The following ADGRV1 variants were observed in gnomAD, a reference collection of about 807,000 sequenced individuals.
ADGRV1 encodes the protein adhesion G protein-coupled receptor V1, also known as G-protein coupled receptor 98.
ADGRV1 carries 359 observed loss-of-function variants against 596.2 expected under a neutral mutation model. The ratio of observed to expected loss-of-function variants is 0.60; its 90% confidence interval spans 0.55 to 0.66. The LOEUF is 0.66. Ranked by LOEUF, ADGRV1 falls within the 30% of genes least tolerant of loss-of-function variation. The pLI, the probability that ADGRV1 is intolerant of heterozygous loss-of-function variation, is 0.00. For missense variants in ADGRV1, 7,274 were observed against 7,575.6 expected (o/e 0.96, Z 1.48); for synonymous variants, 2,681 against 2,679.2 (o/e 1.00, Z -0.02).
chr5:91,082,334 AT>A (rs903039595), intron 86 of ADGRV1, among the ~76,000 whole-genome samples: 1 of 151,630 alleles, frequency 6.6e-6, no homozygotes, highest in Non-Finnish European at 1.5e-5. Context: ...GGCAGATCCT[AT>A]TTTTTTTCTG....
chr5:91,137,268 C>T (rs1794717996), intron 87 of ADGRV1, among the ~76,000 whole-genome samples: 1 of 152,048 alleles, frequency 6.6e-6, no homozygotes, highest in Non-Finnish European at 1.5e-5. Context: ...TTCCATTCGA[C>T]TTTCATCACA....
At chr5:90,925,220 G>A (rs368153095) in intron 83 of ADGRV1, among the ~76,000 whole-genome samples, 2,072 of 152,044 alleles carry the variant, frequency 0.014, 24 homozygotes, top group Non-Finnish European at 0.02. Flanking sequence ...GTTACCTTGG[G>A]CAGTATGGCC....
chr5:90,944,491 T>C (rs1776411869), intron 83 of ADGRV1, among the ~76,000 whole-genome samples: 1 of 152,158 alleles, frequency 6.6e-6, no homozygotes, highest in Non-Finnish European at 1.5e-5. Context: ...TAACCAAGGT[T>C]GTATATTCTG....
chr5:90,566,141 C>A (rs1755604367), intron 1 of ADGRV1, among the ~76,000 whole-genome samples: 1 of 151,530 alleles, frequency 6.6e-6, no homozygotes, highest in African/African-American at 2.4e-5. Context: ...TTGATGGTGT[C>A]CTGTGAAGCA....
chr5:90,845,569 G>C (rs1468645649), intron 78 of ADGRV1, among the ~76,000 whole-genome samples: 1 of 150,526 alleles, frequency 6.6e-6, no homozygotes, highest in South Asian at 2.1e-4. Flanking sequence ...TTTTTCTGTT[G>C]GTAATTTTTT....
chr5:90,983,229 A>G (rs1780222977), intron 84 of ADGRV1, among the ~76,000 whole-genome samples: 1 of 152,146 alleles, frequency 6.6e-6, no homozygotes, highest in African/African-American at 2.4e-5. Flanking sequence ...GCTCTTTGGG[A>G]CAGAAGCACT....
chr5:90,608,501 G>A (rs1434551125), intron 1 of ADGRV1, among the ~76,000 whole-genome samples: 1 of 152,032 alleles, frequency 6.6e-6, no homozygotes, highest in Non-Finnish European at 1.5e-5. Flanking sequence ...AACACTAGGA[G>A]TTTGAAAACA....
intron 85 of ADGRV1, among the ~76,000 whole-genome samples, chr5:91,017,748 G>A (rs1447201730): frequency 6.6e-6 from 1 of 151,870 alleles, no homozygotes; most frequent in Non-Finnish European, 1.5e-5. Flanking sequence ...CAGGTGACTT[G>A]TATCACTAGA....
At chr5:91,047,161 C>A (rs1830364) in intron 85 of ADGRV1, among the ~76,000 whole-genome samples, 115,526 of 152,082 alleles carry the variant, frequency 0.76, 44,066 homozygotes, top group South Asian at 0.82. Flanking sequence ...TCTGAATTTG[C>A]GCTCTAGTTG....
intron 86 of ADGRV1, among the ~76,000 whole-genome samples, chr5:91,091,064 C>T (rs1386948557): frequency 6.6e-6 from 1 of 152,166 alleles, no homozygotes; most frequent in African/African-American, 2.4e-5. Flanking sequence ...TTTGACTTCT[C>T]AATGGCCCTG....
intron 83 of ADGRV1, among the ~76,000 whole-genome samples, chr5:90,957,289 C>T (rs1777562587): frequency 6.6e-6 from 1 of 151,872 alleles, no homozygotes; most frequent in Admixed American, 6.6e-5. Context: ...TCTCTAGGGC[C>T]TTTAGCACAG....
Position 90,721,074 on chromosome 5 carries a change from T to C in ADGRV1, c.9748+15T>C, listed in dbSNP as rs758243383. ...CTTTGGCATGAGTATGTTTCATTTC[T>C]TATGAGAACAAAATTCTGTAACGAA... On this transcript the variant is annotated intron_variant, in intron 45 of 89. Coordinates refer to ENST00000405460, the MANE Select transcript of ADGRV1 (RefSeq NM_032119.4). The C allele has an allele frequency of 6.9e-6, 11 of 1,604,468 alleles. No homozygotes were observed. The highest frequency in any genetic ancestry group is 9.4e-6 in the Non-Finnish European group (11 of 1,175,602).
chr5:90,702,394 T>C (rs1748019461), intron 34 of ADGRV1, among the ~76,000 whole-genome samples: 1 of 151,978 alleles, frequency 6.6e-6, no homozygotes, highest in Non-Finnish European at 1.5e-5. Context: ...TAAAATGTGT[T>C]TTAAGAAGCC....
intron 26 of ADGRV1, 110 bp from the exon 27 acceptor site, chr5:90,681,205 T>C: frequency 8.8e-7 from 1 of 1,134,424 alleles, no homozygotes; most frequent in Non-Finnish European, 1.2e-6. Flanking sequence ...TAGAATGTAC[T>C]CAATGAATGG....
intron 83 of ADGRV1, among the ~76,000 whole-genome samples, chr5:90,888,922 A>G (rs1770544908): frequency 6.6e-6 from 1 of 152,120 alleles, no homozygotes; most frequent in Non-Finnish European, 1.5e-5. Context: ...TATTTTTCTC[A>G]TAGTAGAAAC....
chr5:90,790,752 A>G, intron 69 of ADGRV1, 121 bp from the exon 70 acceptor site: 1 of 657,836 alleles, frequency 1.5e-6, no homozygotes. Flanking sequence ...TTTGGCTTTG[A>G]ATATAGTGAT....
intron 1 of ADGRV1, among the ~76,000 whole-genome samples, chr5:90,598,314 C>T (rs1760969663): frequency 6.6e-6 from 1 of 152,190 alleles, no homozygotes; most frequent in Non-Finnish European, 1.5e-5. Context: ...GCCCACATGC[C>T]ACACATGGCT....
intron 85 of ADGRV1, among the ~76,000 whole-genome samples, chr5:91,005,934 G>GA (rs776829052): frequency 5.9e-5 from 9 of 151,726 alleles, no homozygotes; most frequent in African/African-American, 1.7e-4. Flanking sequence ...AATCCCTGGG[G>GA]AAAAAAAATC....
chr5:91,153,729 C>A (rs1488393097), intron 89 of ADGRV1, among the ~76,000 whole-genome samples: 1 of 152,250 alleles, frequency 6.6e-6, no homozygotes, highest in Non-Finnish European at 1.5e-5. Flanking sequence ...AGTTTTGCCT[C>A]TGGCCTGCCA....
Sources: allele counts gnomAD v4.1 joint callset (sites outside exome capture counted in the v4.1 genomes callset), GRCh38; gene constraint gnomAD v4.1.1; transcripts MANE v1.5; gene names NCBI Gene and HGNC (gene_info 2026-07-23, HGNC 2026-07-21).